RTN3: variants seen among roughly 807,000 people sequenced by gnomAD.
RTN3 encodes reticulon-3.
Under a neutral mutation model 77.8 loss-of-function variants are expected in RTN3, and 49 were observed. That is an observed-to-expected ratio of 0.63 (90% CI 0.50 to 0.80). The LOEUF (loss-of-function observed/expected upper bound fraction) is 0.80. RTN3 is among the 30% of genes least tolerant of loss of function. The pLI, the probability that RTN3 is intolerant of heterozygous loss-of-function variation, is 0.00. For synonymous variants in RTN3, 464 were observed against 446.9 expected (o/e 1.04, Z -0.48); for missense variants, 1,236 against 1,211.9 (o/e 1.02, Z -0.29).
intron 2 of RTN3, among the ~76,000 whole-genome samples, chr11:63,711,891 G>A (rs899601731): frequency 2.6e-5 from 4 of 152,040 alleles, no homozygotes; most frequent in Non-Finnish European, 5.9e-5. Flanking sequence ...GAAGGGATCT[G>A]TCTCATTATT....
intron 1 of RTN3, among the ~76,000 whole-genome samples, chr11:63,703,732 C>T (rs865962152): frequency 2.6e-5 from 4 of 151,144 alleles, no homozygotes; most frequent in East Asian, 2.0e-4. Context: ...TTCATAGAGA[C>T]GGGGTTTCAC....
chr11:63,685,706 C>T (rs976870264), intron 1 of RTN3, among the ~76,000 whole-genome samples: 4 of 151,974 alleles, frequency 2.6e-5, no homozygotes, highest in Admixed American at 6.6e-5. Context: ...AAAATCTGTA[C>T]GTATTGCTGT....
Position 63,750,318 on chromosome 11 carries a change from T to TG in RTN3, c.2738+122dup. 3 of 819,862 alleles carry TG rather than the reference T, an allele frequency of 3.7e-6. No individual in the cohort carries two copies. The South Asian group carries it at 5.2e-5, about 14-fold the overall frequency. 50.8% of individuals were successfully genotyped at this position (819,862 alleles called of 1,614,324 possible). On this transcript the variant is annotated intron_variant, in intron 4 of 8. Coordinates refer to ENST00000377819, the MANE Select transcript of RTN3 (RefSeq NM_001265589.2). The stretch of plus-strand genomic sequence containing the variant: ...AATTATGGGGCCTAATGCAGCTGAT[T>TG]GGTGGCATGAAGCATCCCCTAGAGA...
Position 63,719,564 on chromosome 11 carries a change from A to G in RTN3, c.1062A>G (p.Lys354=), listed in dbSNP as rs1275367486. ...LVPQVKQQTD[K]SSDCITKTTG... Reference sequence around the variant, plus strand: ...CCCAAGTGAAACAACAGACCGATAAATCTTCTGACTGCATCACAAAAACTA... The same window carrying G: ...CCCAAGTGAAACAACAGACCGATAAGTCTTCTGACTGCATCACAAAAACTA... Residue 354 remains lysine (K), a synonymous_variant, in exon 3 of 9, where the codon AAA becomes AAG. Transcript: ENST00000377819. 2.2e-5 allele frequency: 35 copies of G among 1,614,192 alleles called. No homozygotes were observed. Among genetic ancestry groups the G allele is most frequent in the Non-Finnish European group, 2.8e-5 (33 of 1,180,036 alleles).
chr11:63,707,188 G>A lies in RTN3; in HGVS notation c.199+2281G>A, dbSNP rs117634411. 1.2e-3 allele frequency among the ~76,000 whole-genome samples: 176 copies of A among 152,104 alleles called. 1 individual carries two copies. The East Asian group carries it at 0.025, about 22-fold the overall frequency. ...TGCTGGCATTACAGGCATGAGTCAC[G>A]TCGCCAGGCCAAGTCACTTTTTTCA... On this transcript the variant is annotated intron_variant, in intron 2 of 8. Transcript: ENST00000377819.
rs1391196847 is a variant in RTN3 at position 63,697,868 on chromosome 11, T to G, written c.143-6983T>G. On this transcript the variant is annotated intron_variant, in intron 1 of 8. Coordinates refer to ENST00000377819, the MANE Select transcript of RTN3 (RefSeq NM_001265589.2). ...CTTTTTTATGTATTTTCAGACTTTT[T>G]TCTTCATTGGCTCCTTTCTGTCTTT... Among the ~76,000 whole-genome samples, 3 of 152,218 alleles carry G rather than the reference T, an allele frequency of 2.0e-5. No homozygotes were observed. The East Asian group carries it at 5.8e-4, about 29-fold the overall frequency.
intron 2 of RTN3, among the ~76,000 whole-genome samples, chr11:63,716,547 C>T (rs1441083081): frequency 6.6e-6 from 1 of 152,218 alleles, no homozygotes; most frequent in African/African-American, 2.4e-5. Context: ...AGACAGCGCC[C>T]AGGGTGGGCG....
chr11:63,696,875 TTCTTTC>T (rs1413798607), intron 1 of RTN3, among the ~76,000 whole-genome samples: 88 of 67,070 alleles, frequency 1.3e-3, no homozygotes, highest in African/African-American at 3.8e-3. Context: ...CTTTCTTTCT[TTCTTTC>T]TTTTTTTTTT....
At chr11:63,694,059 G>C (rs188337822) in intron 1 of RTN3, among the ~76,000 whole-genome samples, 2 of 152,224 alleles carry the variant, frequency 1.3e-5, no homozygotes, top group Non-Finnish European at 2.9e-5. Flanking sequence ...GGTCGAGGCT[G>C]CAGTGATTGC....
intron 1 of RTN3, among the ~76,000 whole-genome samples, chr11:63,702,643 C>T (rs1942297655): frequency 6.8e-6 from 1 of 147,012 alleles, no homozygotes; most frequent in Non-Finnish European, 1.5e-5. Context: ...AATGGGAGCA[C>T]ACTGCTTTTT....
rs943974622 is a variant in RTN3 at position 63,734,320 on chromosome 11, C to T, written c.2530+13288C>T. 2.0e-5 allele frequency among the ~76,000 whole-genome samples: 3 copies of T among 151,846 alleles called. No individual in the cohort carries two copies. In the South Asian group the frequency reaches 6.2e-4, roughly 32 times the overall value. ...AAAATTAGCCAGGTGTGGTGGTGCA[C>T]ACTTGTAATCCCAGTACTCAGGAGG... On this transcript the variant is annotated intron_variant, in intron 3 of 8. Coordinates refer to ENST00000377819, the MANE Select transcript of RTN3 (RefSeq NM_001265589.2).
rs530152676 is a variant in RTN3 at position 63,742,831 on chromosome 11, CT to C, written c.2531-7156del. Among the ~76,000 whole-genome samples, 841 of 151,942 alleles carry C rather than the reference CT, an allele frequency of 5.5e-3. 5 individuals carry two copies. Among genetic ancestry groups the C allele is most frequent in the African/African-American group, 0.019 (782 of 41,440 alleles). Reference sequence around the variant, plus strand: ...ATTTCACTGTACTGGTCTTATATATCTTTTGTGAGATTTATACCTAAGTTTA... The same window carrying C: ...ATTTCACTGTACTGGTCTTATATATCTTTGTGAGATTTATACCTAAGTTTA... On this transcript the variant is annotated intron_variant, in intron 3 of 8. Coordinates refer to ENST00000377819, the MANE Select transcript of RTN3 (RefSeq NM_001265589.2).
At chr11:63,683,436 A>G (rs1276385984) in intron 1 of RTN3, among the ~76,000 whole-genome samples, 1 of 152,212 alleles carries the variant, frequency 6.6e-6, no homozygotes, top group Non-Finnish European at 1.5e-5. Context: ...AGTTTTAGAA[A>G]TTTGGCTCTG....
In RTN3 at chr11:63,756,160, A is replaced by G. The variant is rs144062061; in HGVS notation, c.3043A>G (p.Ile1015Val). The change falls in exon 8 of 9, where the codon ATT (isoleucine) becomes GTT (valine). Residue 1015 changes from isoleucine (I) to valine (V), a missense_variant. Ile to Val is a conservative substitution (Grantham distance 29, BLOSUM62 3). Transcript: ENST00000377819. ...CATCGCCCGAGATCAGACCAAGTCAATTGTTGAAAAGTAAGTACATTTAGA... is the reference window on the plus strand; with the variant it reads ...CATCGCCCGAGATCAGACCAAGTCAGTTGTTGAAAAGTAAGTACATTTAGA... ...VGIARDQTKSIVEKIQAKLPG... is the reference protein window; with the variant it reads ...VGIARDQTKSVVEKIQAKLPG... 14 of 1,611,896 alleles carry G rather than the reference A, an allele frequency of 8.7e-6. No homozygotes were observed. The highest frequency in any genetic ancestry group is 4.0e-5 in the African/African-American group (3 of 75,012).
rs2014489758 is a variant in RTN3 at position 63,758,256 on chromosome 11, C to T, written c.*55C>T. Reference sequence around the variant, plus strand: ...CTAAAACACCATTTAATAGTTATAACGTCGTTACTTGTACTATGAAGGAAA... The same window carrying T: ...CTAAAACACCATTTAATAGTTATAATGTCGTTACTTGTACTATGAAGGAAA... On this transcript the variant is annotated 3_prime_UTR_variant, in exon 9 of 9. Coordinates refer to ENST00000377819, the MANE Select transcript of RTN3 (RefSeq NM_001265589.2). The T allele has an allele frequency of 3.1e-6, 5 of 1,613,400 alleles. No homozygotes were observed. The highest frequency in any genetic ancestry group is 4.2e-6 in the Non-Finnish European group (5 of 1,179,630).
At chr11:63,742,234 C>T (rs1159915749) in intron 3 of RTN3, among the ~76,000 whole-genome samples, 5 of 151,388 alleles carry the variant, frequency 3.3e-5, no homozygotes, top group Admixed American at 3.3e-4. Flanking sequence ...CTGCCTCGGC[C>T]TCCCAAAGTG....
intron 8 of RTN3, 132 bp downstream of exon 8, chr11:63,756,302 C>A (rs369405482): frequency 3.2e-6 from 2 of 617,096 alleles, no homozygotes; most frequent in South Asian, 4.5e-5. Flanking sequence ...TTAATAGTTT[C>A]ATTTTACTAA....
rs1231366652 is a variant in RTN3, at chr11:63,759,529, T to G, written c.*1328T>G. The G allele has an allele frequency of 6.6e-6, 1 of 152,584 alleles. No individual in the cohort carries two copies. Among genetic ancestry groups the G allele is most frequent in the Admixed American group, 6.6e-5 (1 of 15,266 alleles). 9.5% of individuals were successfully genotyped at this position (152,584 alleles called of 1,614,324 possible). A position where few individuals can be genotyped will look rare whatever the true frequency, so the allele number is the denominator to read the frequency against. On this transcript the variant is annotated 3_prime_UTR_variant, in exon 9 of 9. Coordinates refer to ENST00000377819, the MANE Select transcript of RTN3 (RefSeq NM_001265589.2). The stretch of plus-strand genomic sequence containing the variant: ...TTATTTTCTTAGCCCCCTTTGAGTG[T>G]TTTAACTGGTTTCATGTCCTAGTAG...
intron 1 of RTN3, among the ~76,000 whole-genome samples, chr11:63,697,469 CATT>C (rs71039664): frequency 0.012 from 1,744 of 146,992 alleles, 37 homozygotes; most frequent in African/African-American, 0.042. Flanking sequence ...ACACCCAGCT[CATT>C]ATTATTATTA....
Sources: gnomAD v4.1 joint callset for allele counts (sites outside exome capture counted in the v4.1 genomes callset) on GRCh38, gnomAD v4.1.1 for gene constraint, MANE v1.5 for transcripts, NCBI Gene and HGNC (gene_info 2026-07-23, HGNC 2026-07-21) for gene names.